Variants in ZNF880 observed in about 807,000 individuals in gnomAD.
The protein encoded by ZNF880 is zinc finger protein 880, also known as zinc finger protein LOC400713.
In ZNF880, 12 loss-of-function variants were observed where a neutral mutation model predicts 11.8. The ratio of observed to expected loss-of-function variants is 1.02; its 90% CI spans 0.65 to 1.65. ZNF880 has a LOEUF of 1.65. ZNF880 is among the 40% of genes most tolerant of loss of function. ZNF880 has a pLI of 0.00. For synonymous variants in ZNF880, 210 were observed against 232.4 expected, an observed-to-expected ratio of 0.90 and a Z score of 0.88; for missense variants, 601 against 673.9, an observed-to-expected ratio of 0.89 and a Z score of 1.20.
chr19:52,389,492 C>T (rs572136757), downstream of ZNF880: 2 of 152,270 alleles, frequency 1.3e-5, no homozygotes, highest in East Asian at 1.9e-4. Flanking sequence ...ACATCCAGGT[C>T]ACACTTATGC....
At chr19:52,391,602 A>G in the ZNF880 span, 1 of 152,206 alleles carries the variant, frequency 6.6e-6, no homozygotes, top group Non-Finnish European at 1.5e-5. Context: ...CTCAATCCAG[A>G]TGAATGATGA....
upstream of ZNF880, among the ~76,000 whole-genome samples, chr19:52,368,204 C>CA (rs920910288): frequency 1.7e-3 from 71 of 41,488 alleles, no homozygotes; most frequent in African/African-American, 2.7e-3. Context: ...GGCTCCGTCT[C>CA]AAAAAAAAAA....
At chr19:52,367,321 C>T (rs553027004), upstream of ZNF880, 2 of 152,612 alleles carry the variant, frequency 1.3e-5, no homozygotes, top group African/African-American at 4.8e-5. Flanking sequence ...GACGGGGTTT[C>T]CCTCCGTTGG....
chr19:52,386,171 C>CAAAAAAA (rs10674709), downstream of ZNF880, among the ~76,000 whole-genome samples: 1 of 77,342 alleles, frequency 1.3e-5, no homozygotes, highest in African/African-American at 5.9e-5. Flanking sequence ...GACTCTGTCT[C>CAAAAAAA]AAAAAAAAAA....
chr19:52,369,090 C>T (rs1001551520), upstream of ZNF880, among the ~76,000 whole-genome samples: 19 of 148,440 alleles, frequency 1.3e-4, no homozygotes, highest in Non-Finnish European at 2.7e-4. Context: ...TGGCCGGGTG[C>T]GGTGGCTCAC....
At chr19:52,368,362 T>C (rs1986223180), upstream of ZNF880, among the ~76,000 whole-genome samples, 1 of 152,216 alleles carries the variant, frequency 6.6e-6, no homozygotes, top group Admixed American at 6.5e-5. Context: ...AAACTTCATA[T>C]AGTCACCCTC....
chr19:52,376,110 T>C (rs989757313), intron 3 of ZNF880, among the ~76,000 whole-genome samples: 1 of 152,220 alleles, frequency 6.6e-6, no homozygotes, highest in Non-Finnish European at 1.5e-5. Context: ...CATTTGTGAA[T>C]TGTGCTGCTA....
downstream of ZNF880, chr19:52,385,807 A>T (rs1301596979): frequency 6.7e-6 from 1 of 148,714 alleles, no homozygotes; most frequent in Non-Finnish European, 1.5e-5. Flanking sequence ...GCTACTTTAC[A>T]TTTTATGACT....
At chr19:52,369,125 G>C (rs1986261429), upstream of ZNF880, among the ~76,000 whole-genome samples, 1 of 151,134 alleles carries the variant, frequency 6.6e-6, no homozygotes, top group Non-Finnish European at 1.5e-5. Context: ...CATTTTGGGA[G>C]GCCAAGGCAG....
chr19:52,384,860 T>A lies in ZNF880; in HGVS notation c.1280T>A (p.Leu427Gln). Residue 427 changes from leucine (L) to glutamine (Q), a missense_variant, in exon 4 of 4, where the codon CTA (leucine) becomes CAA (glutamine). Physicochemically the swap from Leu to Gln is moderately radical, Grantham distance 113. This residue lies in a region of ZNF880 where 177 missense variants were observed against 214.5 expected (regional missense o/e 0.83). Transcript: ENST00000422689. ...FRDCSGLTAH[L>Q]LIHTGEKPYK... ...GACTGTTCAGGCCTTACTGCCCATCTACTAATTCACACTGGAGAGAAACCT... is the reference window on the plus strand; with the variant it reads ...GACTGTTCAGGCCTTACTGCCCATCAACTAATTCACACTGGAGAGAAACCT... 1 of 1,499,800 alleles carries A rather than the reference T, an allele frequency of 6.7e-7. No individual in the cohort carries two copies. The highest frequency in any genetic ancestry group is 8.9e-7 in the Non-Finnish European group (1 of 1,119,298). 92.9% of individuals were successfully genotyped at this position (1,499,800 alleles called of 1,614,324 possible). A position where few individuals can be genotyped will look rare whatever the true frequency, so the allele number is the denominator to read the frequency against.
chr19:52,385,972 A>AT (rs969653779), downstream of ZNF880, among the ~76,000 whole-genome samples: 1 of 141,744 alleles, frequency 7.1e-6, no homozygotes, highest in Non-Finnish European at 1.5e-5. Context: ...TTAGGAGATC[A>AT]AGACCATCCT....
chr19:52,366,938 CAT>C, upstream of ZNF880: 1 of 584,990 alleles, frequency 1.7e-6, no homozygotes, highest in East Asian at 2.8e-5. Flanking sequence ...AAGTTAATAA[CAT>C]ATATAAATAA....
chr19:52,368,714 T>C (rs758715874), upstream of ZNF880, among the ~76,000 whole-genome samples: 17 of 152,128 alleles, frequency 1.1e-4, no homozygotes, highest in Non-Finnish European at 2.5e-4. Flanking sequence ...TATTTTTACA[T>C]TTTTTTCCTA....
intron 3 of ZNF880, among the ~76,000 whole-genome samples, chr19:52,381,158 C>T (rs1170764262): frequency 6.6e-6 from 1 of 151,974 alleles, no homozygotes; most frequent in African/African-American, 2.4e-5. Flanking sequence ...GTGTGTTGCC[C>T]AGGCTTATCT....
At chr19:52,394,856 G>A in the ZNF880 span, 1 of 33,116 alleles carries the variant, frequency 3.0e-5, no homozygotes, top group Non-Finnish European at 8.4e-5. Flanking sequence ...ATCTTTAAAG[G>A]TGAGAAAAAA....
rs531446119 is a variant in ZNF880, at chr19:52,374,199, C to A, written c.140-100C>A. 404 of 1,089,670 alleles carry A rather than the reference C, an allele frequency of 3.7e-4. 2 individuals are homozygous for A. In the African/African-American group the frequency reaches 5.5e-3, roughly 15 times the overall value. 67.5% of individuals were successfully genotyped at this position (1,089,670 alleles called of 1,614,324 possible). Reference sequence around the variant, plus strand: ...ATCTGGGACTACAGGCACCCGCCACCACGCCCCGCTAATTTTTTTTTTTTT... The same window carrying A: ...ATCTGGGACTACAGGCACCCGCCACAACGCCCCGCTAATTTTTTTTTTTTT... On this transcript the variant is annotated intron_variant, in intron 2 of 3. Coordinates refer to ENST00000422689, the MANE Select transcript of ZNF880 (RefSeq NM_001145434.2).
At chr19:52,373,750 T>C (rs1229903399) in intron 2 of ZNF880, among the ~76,000 whole-genome samples, 1 of 141,636 alleles carries the variant, frequency 7.1e-6, no homozygotes, top group African/African-American at 2.7e-5. Context: ...CTCAGCTCAA[T>C]GCAACCTCCG....
At chr19:52,371,039 AGT>A (rs1335162666) in intron 1 of ZNF880, among the ~76,000 whole-genome samples, 1 of 152,234 alleles carries the variant, frequency 6.6e-6, no homozygotes, top group Non-Finnish European at 1.5e-5. Flanking sequence ...TATATGAATA[AGT>A]GTGTACATGT....
chr19:52,395,084 G>A, the ZNF880 span, among the ~76,000 whole-genome samples: 1 of 152,160 alleles, frequency 6.6e-6, no homozygotes, highest in Admixed American at 6.5e-5. Context: ...CTTTGGGAAA[G>A]GTATTAGCCT....
Sources: gnomAD v4.1 joint callset for allele counts (sites outside exome capture counted in the v4.1 genomes callset) on GRCh38, gnomAD v4.1.1 for gene constraint, gnomAD v4.1.1 regional missense constraint, MANE v1.5 for transcripts, NCBI Gene and HGNC (gene_info 2026-07-23, HGNC 2026-07-21) for gene names.